Variants in CLASP2 observed in about 807,000 individuals in gnomAD.
CLASP2 encodes the protein cytoplasmic linker associated protein 2.
Under a neutral mutation model 194.4 loss-of-function variants are expected in CLASP2, and 47 were observed. The observed-to-expected ratio is 0.24, with a 90% CI of 0.19 to 0.31. The LOEUF (loss-of-function observed/expected upper bound fraction) is 0.31. Ranked by LOEUF, CLASP2 falls within the 10% of genes least tolerant of loss-of-function variation. The pLI, the probability that CLASP2 is intolerant of heterozygous loss-of-function variation, is 1.00. For synonymous variants in CLASP2, 619 were observed against 633.5 expected (o/e 0.98, Z 0.34); for missense variants, 1,445 against 1,823.6 (o/e 0.79, Z 3.78).
intron 6 of CLASP2, among the ~76,000 whole-genome samples, chr3:33,676,691 A>T (rs2088716306): frequency 6.6e-6 from 1 of 152,260 alleles, no homozygotes; most frequent in African/African-American, 2.4e-5. Flanking sequence ...ACAAAAGCCG[A>T]AATTGACAAA....
intron 37 of CLASP2, among the ~76,000 whole-genome samples, chr3:33,507,692 T>C (rs1398531821): frequency 1.3e-5 from 2 of 151,998 alleles, no homozygotes; most frequent in Non-Finnish European, 2.9e-5. Context: ...TTATGTTGCT[T>C]AGGCTGGTCT....
At chr3:33,547,181 C>T (rs1306134430) in intron 30 of CLASP2, among the ~76,000 whole-genome samples, 1 of 152,184 alleles carries the variant, frequency 6.6e-6, no homozygotes, top group African/African-American at 2.4e-5. Flanking sequence ...ATAATTCCCA[C>T]GTGTTGGAGG....
chr3:33,676,123 A>C (rs1454760041), intron 6 of CLASP2, among the ~76,000 whole-genome samples: 175 of 147,170 alleles, frequency 1.2e-3, no homozygotes, highest in African/African-American at 3.0e-3. Context: ...CCGCATTGCC[A>C]AGTCAATCCT....
intron 30 of CLASP2, among the ~76,000 whole-genome samples, chr3:33,549,415 C>T (rs932821887): frequency 6.6e-6 from 1 of 152,150 alleles, no homozygotes; most frequent in Non-Finnish European, 1.5e-5. Flanking sequence ...TTTGGTATGC[C>T]ATGTCTTCAT....
At chr3:33,713,290 A>T (rs2093125365) in intron 1 of CLASP2, among the ~76,000 whole-genome samples, 1 of 152,072 alleles carries the variant, frequency 6.6e-6, no homozygotes, top group Non-Finnish European at 1.5e-5. Context: ...GAAAAGGGAG[A>T]AGGGGTAATT....
At chr3:33,709,592 G>GA (rs547929551) in intron 1 of CLASP2, among the ~76,000 whole-genome samples, 472 of 152,180 alleles carry the variant, frequency 3.1e-3, no homozygotes, top group Non-Finnish European at 5.5e-3. Context: ...GATGGAGAAA[G>GA]ACACCAAGAA....
chr3:33,627,671 T>TAA (rs1445917032), intron 9 of CLASP2, among the ~76,000 whole-genome samples: 1 of 152,136 alleles, frequency 6.6e-6, no homozygotes, highest in Non-Finnish European at 1.5e-5. Context: ...CTTTGCCTTA[T>TAA]GGAGAGTACA....
At chr3:33,562,151 T>A (rs933211612) in intron 27 of CLASP2, among the ~76,000 whole-genome samples, 1 of 152,226 alleles carries the variant, frequency 6.6e-6, no homozygotes, top group African/African-American at 2.4e-5. Flanking sequence ...CTTAAGACGC[T>A]GTATACCTGT....
At chr3:33,590,640 C>T (rs890627780) in intron 21 of CLASP2, among the ~76,000 whole-genome samples, 2 of 152,138 alleles carry the variant, frequency 1.3e-5, no homozygotes, top group African/African-American at 4.8e-5. Context: ...AACCAATTTA[C>T]TTCCGCTTAT....
In CLASP2 at chr3:33,584,801, G is replaced by A; in HGVS notation, c.2188C>T (p.Pro730Ser). Residue 730 changes from proline (P) to serine (S), a missense_variant, in exon 22 of 39, where the codon CCA becomes TCA. Pro to Ser is a moderately conservative substitution (Grantham distance 74). This residue lies in a region of CLASP2 where 732 missense variants were observed against 987.9 expected (regional missense o/e 0.74). Coordinates refer to ENST00000682230, the MANE Select transcript of CLASP2 (RefSeq NM_001365631.1). ...SASAQKRSKI[P>S]RSQGCSREAS... ...TCTCTGCTACAGCCCTGGCTCCGTG[G>A]TATCTTGCTTCTTTTTTGTGCTGAG... The A allele has an allele frequency of 6.2e-7, 1 of 1,613,584 alleles. No homozygotes were observed. Among genetic ancestry groups the A allele is most frequent in the Non-Finnish European group, 8.5e-7 (1 of 1,179,804 alleles).
rs1007486345 is a variant in CLASP2 at position 33,584,733 on chromosome 3, A to C, written c.2239+17T>G. 6.4e-7 allele frequency: 1 copy of C among 1,558,036 alleles called. No homozygotes were observed. Among genetic ancestry groups the C allele is most frequent in the African/African-American group, 1.4e-5 (1 of 71,816 alleles). Reference sequence around the variant, plus strand: ...AAGGGTTACATGTCTCACATAAAAAAAAAAAAAAAATCTTACCCACTGAAA... The same window carrying C: ...AAGGGTTACATGTCTCACATAAAAACAAAAAAAAAATCTTACCCACTGAAA... On this transcript the variant is annotated intron_variant, in intron 22 of 38. Transcript: ENST00000682230.
intron 36 of CLASP2, among the ~76,000 whole-genome samples, chr3:33,515,668 C>A (rs2051121457): frequency 6.6e-6 from 1 of 152,118 alleles, no homozygotes; most frequent in Non-Finnish European, 1.5e-5. Context: ...ACAACCCCCC[C>A]AAAACAATGA....
At chr3:33,628,407 G>T (rs1293256848) in intron 9 of CLASP2, among the ~76,000 whole-genome samples, 1 of 152,144 alleles carries the variant, frequency 6.6e-6, no homozygotes, top group African/African-American at 2.4e-5. Context: ...CAATAAGGAA[G>T]AAGAGAGTCA....
intron 8 of CLASP2, chr3:33,644,418 C>T (rs531275327): frequency 1.5e-4 from 44 of 295,204 alleles, no homozygotes; most frequent in South Asian, 1.4e-3. Flanking sequence ...ACAGCTATTG[C>T]ACTTGAAAAT....
chr3:33,594,714 G>GT (rs2069764322), intron 20 of CLASP2, among the ~76,000 whole-genome samples: 1 of 150,242 alleles, frequency 6.7e-6, no homozygotes, highest in Non-Finnish European at 1.5e-5. Flanking sequence ...AAGCAATTAT[G>GT]TTTTTCCAGC....
At chr3:33,526,086 T>G (rs1006120141) in intron 34 of CLASP2, among the ~76,000 whole-genome samples, 1 of 152,050 alleles carries the variant, frequency 6.6e-6, no homozygotes, top group Non-Finnish European at 1.5e-5. Flanking sequence ...TCTTCTTTTT[T>G]TTTTTTTTAA....
intron 8 of CLASP2, among the ~76,000 whole-genome samples, chr3:33,637,333 A>C (rs994647641): frequency 3.3e-5 from 5 of 152,136 alleles, no homozygotes; most frequent in Admixed American, 3.3e-4. Flanking sequence ...GGAAATCCTG[A>C]CTAGCCAGGC....
chr3:33,528,518 T>C (rs900040688), intron 34 of CLASP2, among the ~76,000 whole-genome samples: 22 of 152,040 alleles, frequency 1.4e-4, no homozygotes, highest in African/African-American at 5.1e-4. Flanking sequence ...TCCCAGCATT[T>C]TGGGATGCCG....
At chr3:33,566,855 T>C (rs2062827155) in intron 26 of CLASP2, 121 bp from the exon 27 acceptor site, 3 of 336,352 alleles carry the variant, frequency 8.9e-6, no homozygotes, top group Admixed American at 4.2e-5. Context: ...ACTCAGAAAA[T>C]AATAGTGACA....
Sources: allele counts gnomAD v4.1 joint callset (sites outside exome capture counted in the v4.1 genomes callset), GRCh38; gene constraint gnomAD v4.1.1; regional missense constraint gnomAD v4.1.1; transcripts MANE v1.5; gene names NCBI Gene and HGNC (gene_info 2026-07-23, HGNC 2026-07-21).